SLAMF8: variants seen among roughly 807,000 people sequenced by gnomAD.
The protein encoded by SLAMF8 is SLAM family member 8.
A neutral mutation model predicts 29.0 loss-of-function variants in SLAMF8; 23 were observed. That is an observed-to-expected ratio of 0.79 (90% confidence interval 0.57 to 1.13). The LOEUF is 1.13. SLAMF8 is among the 50% of genes most tolerant of loss of function. The pLI, the probability that SLAMF8 is intolerant of heterozygous loss-of-function variation, is 0.00. For missense variants in SLAMF8, 381 were observed against 353.1 expected (o/e 1.08, Z -0.63); for synonymous variants, 139 against 145.6 (o/e 0.96, Z 0.32).
rs990774859 is a variant in SLAMF8, at chr1:159,836,375, T to C, written c.*1115T>C. ...TTTTATTGTGGCCATCTTAGGAAAA[T>C]ACATTCTGCCCCTGAATGATTCTGT... On this transcript the variant is annotated 3_prime_UTR_variant, in exon 5 of 5. Transcript: ENST00000289707. The C allele has an allele frequency of 1.2e-5, 12 of 985,276 alleles. No homozygotes were observed. Among genetic ancestry groups the C allele is most frequent in the African/African-American group, 1.7e-5 (1 of 57,216 alleles). The allele number at this position is 985,276 out of a possible 1,614,324, so 61.0% of individuals were successfully genotyped here.
chr1:159,835,141 C>A, intron 4 of SLAMF8, 43 bp from the exon 5 acceptor site: 3 of 1,595,816 alleles, frequency 1.9e-6, no homozygotes, highest in South Asian at 2.2e-5. Context: ...TTCCAAGACT[C>A]CAAACACTGG....
chr1:159,830,828 C>G (rs898654515), intron 2 of SLAMF8, among the ~76,000 whole-genome samples: 1 of 152,348 alleles, frequency 6.6e-6, no homozygotes, highest in Middle Eastern at 3.4e-3. Context: ...CATGGGTTCT[C>G]TCAGTCATTC....
Position 159,830,016 on chromosome 1 carries a change from T to G in SLAMF8, c.191T>G (p.Phe64Cys). Reference protein sequence around the residue: ...WPSEELLATFFRGSLETLYHS... With the variant: ...WPSEELLATFCRGSLETLYHS... Reference sequence around the variant, plus strand: ...TCAGAAGAGCTCCTGGCCACGTTTTTCCGAGGCTCCCTGGAGACTCTGTAC... The same window carrying G: ...TCAGAAGAGCTCCTGGCCACGTTTTGCCGAGGCTCCCTGGAGACTCTGTAC... The change falls in exon 2 of 5, where the codon TTC (phenylalanine) becomes TGC (cysteine). Residue 64 changes from phenylalanine to cysteine, a missense_variant. By Grantham distance (205) the Phe-to-Cys change is radical. Transcript: ENST00000289707. 1 of 1,614,224 alleles carries G rather than the reference T, an allele frequency of 6.2e-7. No homozygotes were observed. Among genetic ancestry groups the G allele is most frequent in the African/African-American group, 1.3e-5 (1 of 75,068 alleles).
chr1:159,826,895 A>G lies in SLAMF8; in HGVS notation c.-4A>G, dbSNP rs1301356632. 6.2e-7 allele frequency: 1 copy of G among 1,613,998 alleles called. No homozygotes were observed. Among genetic ancestry groups the G allele is most frequent in the Admixed American group, 1.7e-5 (1 of 60,012 alleles). ...AGGGAGTTTGCCTGCCTCTCCAGAGAAAGATGGTCATGAGGCCCCTGTGGA... is the reference window on the plus strand; with the variant it reads ...AGGGAGTTTGCCTGCCTCTCCAGAGGAAGATGGTCATGAGGCCCCTGTGGA... On this transcript the variant is annotated 5_prime_UTR_variant, in exon 1 of 5. Coordinates refer to ENST00000289707, the MANE Select transcript of SLAMF8 (RefSeq NM_020125.3).
Position 159,837,031 on chromosome 1 carries a change from A to G in SLAMF8, c.*1771A>G, listed in dbSNP as rs908458282. 12 of 985,236 alleles carry G rather than the reference A, an allele frequency of 1.2e-5. No homozygotes were observed. In the East Asian group the frequency reaches 1.4e-3, roughly 112 times the overall value. The allele number at this position is 985,236 out of a possible 1,614,324, so 61.0% of individuals were successfully genotyped here. On this transcript the variant is annotated 3_prime_UTR_variant, in exon 5 of 5. Coordinates refer to ENST00000289707, the MANE Select transcript of SLAMF8 (RefSeq NM_020125.3). ...AGGATCTGACAATGAGCCCTGGTGG[A>G]TTTGTGGGGAAAAAATACACAGCAC...
rs745674115 is a variant in SLAMF8 at position 159,830,026 on chromosome 1, C to T, written c.201C>T (p.Ser67=). 6.2e-7 allele frequency: 1 copy of T among 1,614,238 alleles called. No individual in the cohort carries two copies. The highest frequency in any genetic ancestry group is 8.5e-7 in the Non-Finnish European group (1 of 1,180,036). The change falls in exon 2 of 5, where the codon TCC becomes TCT. Residue 67 remains serine, a synonymous_variant. Transcript: ENST00000289707. ...EELLATFFRG[S]LETLYHSRFL... ...TCCTGGCCACGTTTTTCCGAGGCTC[C>T]CTGGAGACTCTGTACCATTCCCGCT... is the stretch of plus-strand genomic sequence containing the variant.
chr1:159,829,875 C>A lies in SLAMF8; in HGVS notation c.50C>A (p.Pro17His). ...GGCTCTGTTCTTTCAGCCCTACTTC[C>A]CATTACAGTTACTGGTGCCCAAGTG... ...WSLLLWEALLPITVTGAQVLS... is the reference protein window; with the variant it reads ...WSLLLWEALLHITVTGAQVLS... Residue 17 changes from proline to histidine, a missense_variant, in exon 2 of 5, where the codon CCC (proline) becomes CAC (histidine). Physicochemically the swap from Pro to His is moderately conservative, Grantham distance 77. Coordinates refer to ENST00000289707, the MANE Select transcript of SLAMF8 (RefSeq NM_020125.3). The A allele has an allele frequency of 6.2e-7, 1 of 1,609,438 alleles. No individual in the cohort carries two copies. The highest frequency in any genetic ancestry group is 8.5e-7 in the Non-Finnish European group (1 of 1,177,490).
At chr1:159,833,790 A>G (rs1440029188) in intron 4 of SLAMF8, among the ~76,000 whole-genome samples, 1 of 150,884 alleles carries the variant, frequency 6.6e-6, no homozygotes, top group East Asian at 1.9e-4. Flanking sequence ...CCAATCAGAG[A>G]ACTACTTACA....
Position 159,835,478 on chromosome 1 carries a change from T to C in SLAMF8, c.*218T>C, listed in dbSNP as rs1647857707. ...CCCCCTTCCCTCTCCCATCTTCTCA[T>C]ATCCTGGCTCTTCTCTGGGCAAGAT... On this transcript the variant is annotated 3_prime_UTR_variant, in exon 5 of 5. Transcript: ENST00000289707. 3 of 1,331,202 alleles carry C rather than the reference T, an allele frequency of 2.3e-6. No individual in the cohort carries two copies. The South Asian group carries it at 5.9e-5, about 26-fold the overall frequency. 82.5% of individuals were successfully genotyped at this position (1,331,202 alleles called of 1,614,324 possible). A position where few individuals can be genotyped will look rare whatever the true frequency, so the allele number is the denominator to read the frequency against.
At position 159,835,903 on chromosome 1, in the gene SLAMF8, A is replaced by T; in HGVS notation, c.*643A>T. 1 of 985,438 alleles carries T rather than the reference A, an allele frequency of 1.0e-6. No individual in the cohort carries two copies. Among genetic ancestry groups the T allele is most frequent in the Non-Finnish European group, 1.2e-6 (1 of 829,934 alleles). The allele number at this position is 985,438 out of a possible 1,614,324, so 61.0% of individuals were successfully genotyped here. A position where few individuals can be genotyped will look rare whatever the true frequency, so the allele number is the denominator to read the frequency against. ...TCAAAGGTAAATTGCAGTTGTAGAC[A>T]CCGAGGATGGTTGACAACCCATGGT... On this transcript the variant is annotated 3_prime_UTR_variant, in exon 5 of 5. Coordinates refer to ENST00000289707, the MANE Select transcript of SLAMF8 (RefSeq NM_020125.3).
At position 159,835,092 on chromosome 1, in the gene SLAMF8, A is replaced by C. The variant is rs1647811848; in HGVS notation, c.782-92A>C. The C allele has an allele frequency of 8.1e-6, 10 of 1,227,514 alleles. No individual in the cohort carries two copies. The East Asian group carries it at 2.1e-4, about 26-fold the overall frequency. 76.0% of individuals were successfully genotyped at this position (1,227,514 alleles called of 1,614,324 possible). ...CTTTACCTAAGGTGACCTTGGGCTAACACACTGAGGATTCAGAGGCCTGCA... is the reference window on the plus strand; with the variant it reads ...CTTTACCTAAGGTGACCTTGGGCTACCACACTGAGGATTCAGAGGCCTGCA... On this transcript the variant is annotated intron_variant, in intron 4 of 4. Coordinates refer to ENST00000289707, the MANE Select transcript of SLAMF8 (RefSeq NM_020125.3).
intron 4 of SLAMF8, among the ~76,000 whole-genome samples, chr1:159,834,273 G>A (rs904098238): frequency 3.3e-5 from 5 of 152,322 alleles, no homozygotes; most frequent in Middle Eastern, 3.4e-3. Context: ...CAGGGTCTGG[G>A]TCCAGCCTCT....
rs1320370968 is a variant in SLAMF8 at position 159,836,738 on chromosome 1, C to A, written c.*1478C>A. The A allele has an allele frequency of 1.0e-6, 1 of 985,616 alleles. No individual in the cohort carries two copies. The highest frequency in any genetic ancestry group is 4.7e-5 in the South Asian group (1 of 21,290). 61.1% of individuals were successfully genotyped at this position (985,616 alleles called of 1,614,324 possible). On this transcript the variant is annotated 3_prime_UTR_variant, in exon 5 of 5. Coordinates refer to ENST00000289707, the MANE Select transcript of SLAMF8 (RefSeq NM_020125.3). ...TGGCCTCCAGATCCACATCACCACT[C>A]TTCCACTCGATTGTTCCCAGATCCT...
In SLAMF8 at chr1:159,826,894, G is replaced by A; in HGVS notation, c.-5G>A. 2.5e-6 allele frequency: 4 copies of A among 1,614,108 alleles called. No homozygotes were observed. The highest frequency in any genetic ancestry group is 3.4e-6 in the Non-Finnish European group (4 of 1,179,984). On this transcript the variant is annotated 5_prime_UTR_variant, in exon 1 of 5. Coordinates refer to ENST00000289707, the MANE Select transcript of SLAMF8 (RefSeq NM_020125.3). ...GAGGGAGTTTGCCTGCCTCTCCAGA[G>A]AAAGATGGTCATGAGGCCCCTGTGG...
Position 159,835,667 on chromosome 1 carries a change from A to T in SLAMF8, c.*407A>T, listed in dbSNP as rs1647875583. The T allele has an allele frequency of 1.0e-6, 1 of 994,162 alleles. No homozygotes were observed. The highest frequency in any genetic ancestry group is 4.6e-5 in the South Asian group (1 of 21,688). 61.6% of individuals were successfully genotyped at this position (994,162 alleles called of 1,614,324 possible). On this transcript the variant is annotated 3_prime_UTR_variant, in exon 5 of 5. Coordinates refer to ENST00000289707, the MANE Select transcript of SLAMF8 (RefSeq NM_020125.3). ...CAGCCTGAGTCCTAGGCTCTAAAAG[A>T]TATTACATATTTGAACTAATAGAGG...
chr1:159,830,396 C>T (rs1647411606), intron 2 of SLAMF8, among the ~76,000 whole-genome samples: 1 of 152,234 alleles, frequency 6.6e-6, no homozygotes, highest in Non-Finnish European at 1.5e-5. Flanking sequence ...TGCCATTTCA[C>T]AGTGCTTGCC....
At chr1:159,831,478 A>AC (rs1255532200) in intron 2 of SLAMF8, among the ~76,000 whole-genome samples, 139 of 139,624 alleles carry the variant, frequency 1.0e-3, no homozygotes, top group Middle Eastern at 3.5e-3. Context: ...TTACCCTGTG[A>AC]CCCCCCTTAG....
At chr1:159,830,824 TTC>T (rs1167487711) in intron 2 of SLAMF8, among the ~76,000 whole-genome samples, 1 of 152,160 alleles carries the variant, frequency 6.6e-6, no homozygotes, top group Non-Finnish European at 1.5e-5. Context: ...GATTCATGGG[TTC>T]TCTCAGTCAT....
rs1647850093 is a variant in SLAMF8 at position 159,835,406 on chromosome 1, C to A, written c.*146C>A. 7.1e-7 allele frequency: 1 copy of A among 1,411,166 alleles called. No homozygotes were observed. The highest frequency in any genetic ancestry group is 9.2e-7 in the Non-Finnish European group (1 of 1,082,970). 87.4% of individuals were successfully genotyped at this position (1,411,166 alleles called of 1,614,324 possible). The stretch of plus-strand genomic sequence containing the variant: ...TCCTGCCTCGAAGGAGCAGCCTGGG[C>A]AGCCATCACACCACGAGGACAGGAA... On this transcript the variant is annotated 3_prime_UTR_variant, in exon 5 of 5. Transcript: ENST00000289707.
Sources: allele counts gnomAD v4.1 joint callset (sites outside exome capture counted in the v4.1 genomes callset), GRCh38; gene constraint gnomAD v4.1.1; transcripts MANE v1.5; gene names NCBI Gene and HGNC (gene_info 2026-07-23, HGNC 2026-07-21).